Variants in OR2T12 observed in about 807,000 individuals in gnomAD.
OR2T12 encodes the protein olfactory receptor family 2 subfamily T member 12.
For missense variants in OR2T12, 335 were observed against 404.3 expected (o/e 0.83, Z 1.47); for synonymous variants, 127 against 160.5 (o/e 0.79, Z 1.58).
chr1:248,295,304 C>A lies in OR2T12; in HGVS notation c.275G>T (p.Arg92Leu), dbSNP rs779943961. Residue 92 changes from arginine to leucine, a missense_variant, in exon 3 of 3, where the codon CGC (arginine) becomes CTC (leucine). Arg to Leu is a moderately radical substitution (Grantham distance 102). Coordinates refer to ENST00000641276, the MANE Select transcript of OR2T12 (RefSeq NM_001004692.2). ...DYLTGNKAIS[R>L]AGCGVQIFFL... ...GAAGATCTGCACACCACAGCCAGCG[C>A]GGGAGATGGCCTTATTTCCGGTCAA... 1.3e-5 allele frequency: 21 copies of A among 1,608,964 alleles called. No homozygotes were observed. Among genetic ancestry groups the A allele is most frequent in the African/African-American group, 4.0e-5 (3 of 74,156 alleles).
rs753611689 is a variant in OR2T12, at chr1:248,294,884, C to T, written c.695G>A (p.Arg232His). The change falls in exon 3 of 3, where the codon CGC becomes CAC. Residue 232 changes from arginine (R) to histidine (H), a missense_variant. Coordinates refer to ENST00000641276, the MANE Select transcript of OR2T12 (RefSeq NM_001004692.2). ...AVLLMRSTEA[R>H]KKAFATCSSH... ...AGAGCAGGTGGCAAAGGCCTTCTTG[C>T]GGGCTTCTGTAGAGCGCATGAGCAG... 1.9e-5 allele frequency: 31 copies of T among 1,611,922 alleles called. No individual in the cohort carries two copies. The highest frequency in any genetic ancestry group is 1.1e-4 in the South Asian group (10 of 90,988).
intron 2 of OR2T12, among the ~76,000 whole-genome samples, chr1:248,298,435 C>A (rs965775753): frequency 6.6e-6 from 1 of 152,152 alleles, no homozygotes; most frequent in African/African-American, 2.4e-5. Flanking sequence ...GGTACAAGTT[C>A]CTCCTTGTAC....
rs1033351779 is a variant in OR2T12 at position 248,292,714 on chromosome 1, T to G, written c.*1902A>C. Reference sequence around the variant, plus strand: ...TTTTATACATATTTTGTGTTTTTATTAATGTCTTACGTTTGCTTGGAGATA... The same window carrying G: ...TTTTATACATATTTTGTGTTTTTATGAATGTCTTACGTTTGCTTGGAGATA... On this transcript the variant is annotated 3_prime_UTR_variant, in exon 3 of 3. Transcript: ENST00000641276. The G allele has an allele frequency of 2.0e-5, 3 of 152,110 alleles. No homozygotes were observed. The highest frequency in any genetic ancestry group is 4.4e-5 in the Non-Finnish European group (3 of 67,958). 9.4% of individuals were successfully genotyped at this position (152,110 alleles called of 1,614,324 possible).
chr1:248,294,871 A>C lies in OR2T12; in HGVS notation c.708T>G (p.Phe236Leu). 1 of 1,612,412 alleles carries C rather than the reference A, an allele frequency of 6.2e-7. No individual in the cohort carries two copies. The highest frequency in any genetic ancestry group is 8.5e-7 in the Non-Finnish European group (1 of 1,179,862). Residue 236 changes from phenylalanine (F) to leucine (L), a missense_variant, in exon 3 of 3, where the codon TTT becomes TTG. By Grantham distance (22) the Phe-to-Leu change is conservative. Transcript: ENST00000641276. ...MRSTEARKKA[F>L]ATCSSHVAVV... The stretch of plus-strand genomic sequence containing the variant: ...CAGCCACATGTGAAGAGCAGGTGGC[A>C]AAGGCCTTCTTGCGGGCTTCTGTAG...
At chr1:248,296,252 C>T (rs933651117) in intron 2 of OR2T12, among the ~76,000 whole-genome samples, 3 of 152,092 alleles carry the variant, frequency 2.0e-5, no homozygotes, top group Admixed American at 1.3e-4. Context: ...TCCAGTCTAT[C>T]ATTGTTGGAC....
At chr1:248,303,144 T>C (rs1659833623) in intron 1 of OR2T12, among the ~76,000 whole-genome samples, 1 of 152,152 alleles carries the variant, frequency 6.6e-6, no homozygotes, top group Admixed American at 6.5e-5. Flanking sequence ...TCTTTCACAT[T>C]GATAAGCTGA....
chr1:248,293,716 A>G lies in OR2T12; in HGVS notation c.*900T>C, dbSNP rs1330173547. 1 of 152,200 alleles carries G rather than the reference A, an allele frequency of 6.6e-6. No homozygotes were observed. Among genetic ancestry groups the G allele is most frequent in the Non-Finnish European group, 1.5e-5 (1 of 68,032 alleles). 9.4% of individuals were successfully genotyped at this position (152,200 alleles called of 1,614,324 possible). On this transcript the variant is annotated 3_prime_UTR_variant, in exon 3 of 3. Transcript: ENST00000641276. Reference sequence around the variant, plus strand: ...GTAACTGTCAAGATTCAGCATGATCATGCAATTCAGAGTTCATATCGATGG... The same window carrying G: ...GTAACTGTCAAGATTCAGCATGATCGTGCAATTCAGAGTTCATATCGATGG...
intron 2 of OR2T12, among the ~76,000 whole-genome samples, chr1:248,296,045 C>T (rs919211274): frequency 1.3e-5 from 2 of 150,526 alleles, no homozygotes; most frequent in South Asian, 2.1e-4. Context: ...TGATGTTCCC[C>T]TTCCTGTGTC....
rs1431665133 is a variant in OR2T12, at chr1:248,294,351, A to T, written c.*265T>A. The T allele has an allele frequency of 9.0e-6, 3 of 334,868 alleles. No individual in the cohort carries two copies. Among genetic ancestry groups the T allele is most frequent in the Non-Finnish European group, 1.6e-5 (3 of 187,840 alleles). The allele number at this position is 334,868 out of a possible 1,614,324, so 20.7% of individuals were successfully genotyped here. ...TTTGGGACACCTTTTAAAGATTTGG[A>T]GTTTGCAAAAGAAAAAAAGAAAACT... On this transcript the variant is annotated 3_prime_UTR_variant, in exon 3 of 3. Coordinates refer to ENST00000641276, the MANE Select transcript of OR2T12 (RefSeq NM_001004692.2).
rs1659603300 is a variant in OR2T12, at chr1:248,290,333, G to A, written c.*4283C>T. On this transcript the variant is annotated 3_prime_UTR_variant, in exon 3 of 3. Coordinates refer to ENST00000641276, the MANE Select transcript of OR2T12 (RefSeq NM_001004692.2). ...GCGGTGTTTGGTTTTCTGTTCCTGTGTTAGTTTCCTGGGAATGATGGTCTC... is the reference window on the plus strand; with the variant it reads ...GCGGTGTTTGGTTTTCTGTTCCTGTATTAGTTTCCTGGGAATGATGGTCTC... 6.6e-6 allele frequency: 1 copy of A among 152,144 alleles called. No homozygotes were observed. The highest frequency in any genetic ancestry group is 2.1e-4 in the South Asian group (1 of 4,830). 9.4% of individuals were successfully genotyped at this position (152,144 alleles called of 1,614,324 possible). A position where few individuals can be genotyped will look rare whatever the true frequency, so the allele number is the denominator to read the frequency against.
At chr1:248,301,801 C>T (rs1337068378) in intron 1 of OR2T12, among the ~76,000 whole-genome samples, 1 of 151,888 alleles carries the variant, frequency 6.6e-6, no homozygotes, top group Non-Finnish European at 1.5e-5. Context: ...TATGTATTAA[C>T]CTCATCATGT....
At position 248,294,935 on chromosome 1, in the gene OR2T12, G is replaced by A. The variant is rs758367528; in HGVS notation, c.644C>T (p.Ser215Phe). The A allele has an allele frequency of 2.5e-6, 4 of 1,611,740 alleles. No individual in the cohort carries two copies. The highest frequency in any genetic ancestry group is 1.1e-5 in the South Asian group (1 of 90,992). ...LLVPFSLILS[S>F]YGLILAAVLL... ...AACAGCAGCGAGGATGAGACCATAG[G>A]AGGACAGGATGAGGGAAAAGGGGAC... Residue 215 changes from serine (S) to phenylalanine (F), a missense_variant, in exon 3 of 3, where the codon TCC becomes TTC. Coordinates refer to ENST00000641276, the MANE Select transcript of OR2T12 (RefSeq NM_001004692.2).
chr1:248,295,475 G>C lies in OR2T12; in HGVS notation c.104C>G (p.Thr35Ser), dbSNP rs749730602. Residue 35 changes from threonine (T) to serine (S), a missense_variant, in exon 3 of 3, where the codon ACC becomes AGC. Transcript: ENST00000641276. ...CATGAGGGCATTGCTAAACAGGGAGGTCAAAACGGTGGCCAGAAGCATCAT... is the reference window on the plus strand; with the variant it reads ...CATGAGGGCATTGCTAAACAGGGAGCTCAAAACGGTGGCCAGAAGCATCAT... ...LFMMLLATVL[T>S]SLFSNALMIL... 29 of 1,612,814 alleles carry C rather than the reference G, an allele frequency of 1.8e-5. No individual in the cohort carries two copies. The highest frequency in any genetic ancestry group is 2.5e-5 in the Non-Finnish European group (29 of 1,179,726).
At chr1:248,299,151 C>T (rs1659778337) in intron 2 of OR2T12, among the ~76,000 whole-genome samples, 1 of 152,128 alleles carries the variant, frequency 6.6e-6, no homozygotes, top group Non-Finnish European at 1.5e-5. Flanking sequence ...AACCAGCTAA[C>T]ATCATAATGA....
intron 2 of OR2T12, among the ~76,000 whole-genome samples, chr1:248,296,033 T>C (rs1367415656): frequency 6.8e-5 from 8 of 117,964 alleles, no homozygotes; most frequent in Non-Finnish European, 1.1e-4. Context: ...GTCCCGAGAG[T>C]GTGATGTTCC....
chr1:248,297,311 C>G (rs113404099), intron 2 of OR2T12, among the ~76,000 whole-genome samples: 23,184 of 151,128 alleles, frequency 0.15, 2,374 homozygotes, highest in East Asian at 0.37. Flanking sequence ...TTGTTCTTTT[C>G]GCTTAGGATT....
rs769669061 is a variant in OR2T12 at position 248,294,657 on chromosome 1, T to A, written c.922A>T (p.Asn308Tyr). Reference sequence around the variant, plus strand: ...GCCTCATTTTGCTGGTGTTTTAGGTTTACACACGTCCCCAGCCACCGTTTC... The same window carrying A: ...GCCTCATTTTGCTGGTGTTTTAGGTATACACACGTCCCCAGCCACCGTTTC... ...ALKRWLGTCV[N>Y]LKHQQNEAHR... The change falls in exon 3 of 3, where the codon AAC becomes TAC. Residue 308 changes from asparagine to tyrosine, a missense_variant. Coordinates refer to ENST00000641276, the MANE Select transcript of OR2T12 (RefSeq NM_001004692.2). 6.8e-6 allele frequency: 11 copies of A among 1,614,158 alleles called. No homozygotes were observed. Among genetic ancestry groups the A allele is most frequent in the Non-Finnish European group, 9.3e-6 (11 of 1,180,028 alleles).
chr1:248,298,442 G>T (rs181523512), intron 2 of OR2T12, among the ~76,000 whole-genome samples: 59 of 152,282 alleles, frequency 3.9e-4, no homozygotes, highest in African/African-American at 1.4e-3. Context: ...GTTCCTCCTT[G>T]TACCTCTGGT....
At position 248,295,044 on chromosome 1, in the gene OR2T12, C is replaced by G; in HGVS notation, c.535G>C (p.Ala179Pro). ...AHEIDHFFCE[A>P]PVLVRLACAD... is the part of the protein sequence containing the mutation. ...CAAGCCAAACGCACCAACACGGGGG[C>G]CTCGCAGAAGAAGTGATCGATCTCG... Residue 179 changes from alanine to proline, a missense_variant, in exon 3 of 3, where the codon GCC (alanine) becomes CCC (proline). Coordinates refer to ENST00000641276, the MANE Select transcript of OR2T12 (RefSeq NM_001004692.2). 1 of 1,607,894 alleles carries G rather than the reference C, an allele frequency of 6.2e-7. No homozygotes were observed. Among genetic ancestry groups the G allele is most frequent in the Non-Finnish European group, 8.5e-7 (1 of 1,179,264 alleles).
Sources: allele counts gnomAD v4.1 joint callset (sites outside exome capture counted in the v4.1 genomes callset), GRCh38; gene constraint gnomAD v4.1.1; transcripts MANE v1.5; gene names NCBI Gene and HGNC (gene_info 2026-07-23, HGNC 2026-07-21).